The following NVL variants were observed in gnomAD, a reference collection of about 807,000 sequenced individuals.
The protein encoded by NVL is nuclear VCP like.
NVL carries 84 observed loss-of-function variants against 110.2 expected under a neutral mutation model. That is an observed-to-expected ratio of 0.76 (90% CI 0.64 to 0.91). The LOEUF is 0.91. Among genes scored for constraint, NVL ranks in the 40% least tolerant of loss-of-function variants. The pLI, the probability that NVL is intolerant of heterozygous loss-of-function variation, is 0.00. For missense variants in NVL, 882 were observed against 1,035.9 expected (o/e 0.85, Z 2.04); for synonymous variants, 354 against 361.1 (o/e 0.98, Z 0.22).
chr1:224,291,779 G>A (rs1202373788), intron 12 of NVL, among the ~76,000 whole-genome samples: 2 of 152,188 alleles, frequency 1.3e-5, no homozygotes, highest in African/African-American at 4.8e-5. Flanking sequence ...ATTGTCAGTT[G>A]GGGACTATCC....
chr1:224,286,067 G>T lies in NVL; in HGVS notation c.1858C>A (p.Leu620Ile). Reference protein sequence around the residue: ...LGLVTPAGVLLAGPPGCGKTL... With the variant: ...LGLVTPAGVLIAGPPGCGKTL... ...TTCCCACAGCCAGGAGGACCAGCAA[G>T]GAGGACCCCAGCTGGAGTCACCAAT... Residue 620 changes from leucine to isoleucine, a missense_variant, in exon 15 of 23, where the codon CTT becomes ATT. Leu to Ile is a conservative substitution (Grantham distance 5). Transcript: ENST00000281701. 6.2e-7 allele frequency: 1 copy of T among 1,614,072 alleles called. No homozygotes were observed. The highest frequency in any genetic ancestry group is 1.3e-5 in the African/African-American group (1 of 75,036).
Position 224,236,540 on chromosome 1 carries a change from C to T in NVL, c.2332G>A (p.Ala778Thr). 1 of 1,614,006 alleles carries T rather than the reference C, an allele frequency of 6.2e-7. No homozygotes were observed. The highest frequency in any genetic ancestry group is 8.5e-7 in the Non-Finnish European group (1 of 1,179,868). Reference protein sequence around the residue: ...PPLDADVNLEAIAGDLRCDCY... With the variant: ...PPLDADVNLETIAGDLRCDCY... Reference sequence around the variant, plus strand: ...TCACAGCGAAGGTCACCAGCAATTGCTTCCAAATTTACATCTGCATCCAGT... The same window carrying T: ...TCACAGCGAAGGTCACCAGCAATTGTTTCCAAATTTACATCTGCATCCAGT... The change falls in exon 20 of 23, where the codon GCA becomes ACA. Residue 778 changes from alanine (A) to threonine (T), a missense_variant. Physicochemically the swap from Ala to Thr is moderately conservative, Grantham distance 58. Coordinates refer to ENST00000281701, the MANE Select transcript of NVL (RefSeq NM_002533.4).
intron 11 of NVL, among the ~76,000 whole-genome samples, chr1:224,294,644 T>TA (rs1667705112): frequency 6.6e-6 from 1 of 151,892 alleles, no homozygotes; most frequent in Admixed American, 6.6e-5. Context: ...AGTGTGTAAA[T>TA]AAAAAAATGG....
chr1:224,245,293 T>A (rs568253613), intron 19 of NVL, among the ~76,000 whole-genome samples: 1 of 152,330 alleles, frequency 6.6e-6, no homozygotes, highest in South Asian at 2.1e-4. Flanking sequence ...CCTCTGAAAT[T>A]AGATATTGTG....
At chr1:224,272,448 T>A (rs1002951136) in intron 17 of NVL, among the ~76,000 whole-genome samples, 1 of 152,188 alleles carries the variant, frequency 6.6e-6, no homozygotes, top group Non-Finnish European at 1.5e-5. Context: ...CTGGGCGTAG[T>A]GGCTCACATC....
In NVL at chr1:224,281,308, T is replaced by TGTGA. The variant is rs1553320806; in HGVS notation, c.1900-124_1900-123insTCAC. On this transcript the variant is annotated intron_variant, in intron 15 of 22. Transcript: ENST00000281701. ...GCGTGTGTGTGTGTGTGTGTGTGTG[T>TGTGA]GTGTGAGATTTAGATGGAGTCTTGC... is the stretch of plus-strand genomic sequence containing the variant. The TGTGA allele has an allele frequency of 3.8e-6, 3 of 786,540 alleles. No homozygotes were observed. The African/African-American group carries it at 5.2e-5, about 14-fold the overall frequency. 48.7% of individuals were successfully genotyped at this position (786,540 alleles called of 1,614,324 possible). A position where few individuals can be genotyped will look rare whatever the true frequency, so the allele number is the denominator to read the frequency against.
At chr1:224,251,464 C>A (rs1160847676) in intron 18 of NVL, among the ~76,000 whole-genome samples, 1 of 151,948 alleles carries the variant, frequency 6.6e-6, no homozygotes, top group African/African-American at 2.4e-5. Context: ...ATGGTGAAAC[C>A]CTGTGCCTAC....
chr1:224,261,086 G>T (rs1238790252), intron 18 of NVL, among the ~76,000 whole-genome samples: 1 of 152,068 alleles, frequency 6.6e-6, no homozygotes, highest in Non-Finnish European at 1.5e-5. Flanking sequence ...ATGTTGGCCA[G>T]GCTGGTCTCG....
intron 19 of NVL, among the ~76,000 whole-genome samples, chr1:224,248,996 C>T (rs1316908279): frequency 6.6e-6 from 1 of 152,184 alleles, no homozygotes; most frequent in Non-Finnish European, 1.5e-5. Context: ...ATTTCATCCC[C>T]AGAAGGATTA....
intron 18 of NVL, among the ~76,000 whole-genome samples, chr1:224,259,903 C>T (rs1198756575): frequency 1.3e-5 from 2 of 151,512 alleles, no homozygotes; most frequent in African/African-American, 4.9e-5. Flanking sequence ...CTCCTGGCCT[C>T]AAGTGATCTG....
chr1:224,304,354 G>A (rs1188565219), intron 8 of NVL, among the ~76,000 whole-genome samples: 4 of 152,116 alleles, frequency 2.6e-5, no homozygotes, highest in African/African-American at 9.7e-5. Flanking sequence ...GAACCTGGGA[G>A]GCGGAGGTTG....
At chr1:224,235,412 C>A (rs140472214) in intron 20 of NVL, among the ~76,000 whole-genome samples, 9,373 of 152,188 alleles carry the variant, frequency 0.062, 531 homozygotes, top group East Asian at 0.3. Context: ...AAGTGATCTG[C>A]CCACCTCAGC....
chr1:224,304,764 T>A lies in NVL; in HGVS notation c.797A>T (p.Asp266Val). 6.2e-7 allele frequency: 1 copy of A among 1,614,066 alleles called. No individual in the cohort carries two copies. The highest frequency in any genetic ancestry group is 8.5e-7 in the Non-Finnish European group (1 of 1,179,970). ...TAATGTCATATCATTGCCTCCCACATCTTCAAACTTCACGTTGGAGATCTG... is the reference window on the plus strand; with the variant it reads ...TAATGTCATATCATTGCCTCCCACAACTTCAAACTTCACGTTGGAGATCTG... ...EFQISNVKFEDVGGNDMTLKE... is the reference protein window; with the variant it reads ...EFQISNVKFEVVGGNDMTLKE... Residue 266 changes from aspartate to valine, a missense_variant, in exon 8 of 23, where the codon GAT (aspartate) becomes GTT (valine). Coordinates refer to ENST00000281701, the MANE Select transcript of NVL (RefSeq NM_002533.4).
chr1:224,241,856 C>CAA (rs34996211), intron 19 of NVL, among the ~76,000 whole-genome samples: 1,720 of 132,652 alleles, frequency 0.013, 32 homozygotes, highest in African/African-American at 0.036. Context: ...GACCTCGTCT[C>CAA]AAAAAAAAAA....
chr1:224,256,904 A>G, intron 18 of NVL: 1 of 432,536 alleles, frequency 2.3e-6, no homozygotes, highest in Non-Finnish European at 4.6e-6. Flanking sequence ...GGTCAACCCT[A>G]TGACACAATA....
rs940256744 is a variant in NVL at position 224,300,695 on chromosome 1, T to C, written c.961-32A>G. 4 of 1,545,542 alleles carry C rather than the reference T, an allele frequency of 2.6e-6. No individual in the cohort carries two copies. The African/African-American group carries it at 5.5e-5, about 21-fold the overall frequency. On this transcript the variant is annotated intron_variant, in intron 9 of 22. Coordinates refer to ENST00000281701, the MANE Select transcript of NVL (RefSeq NM_002533.4). ...AGACACATAAAAGAATAACCAAATA[T>C]TCAAATTTTAATTTCCCTACTTTTT...
At chr1:224,296,693 T>C in intron 10 of NVL, 75 bp from the exon 11 acceptor site, 2 of 898,302 alleles carry the variant, frequency 2.2e-6, no homozygotes, top group South Asian at 3.9e-5. Flanking sequence ...GCATATACAT[T>C]TTAAAAAAAA....
At chr1:224,227,904 A>G in intron 22 of NVL, 1 of 270,942 alleles carries the variant, frequency 3.7e-6, no homozygotes, top group East Asian at 6.8e-5. Context: ...ACAGGAGGGA[A>G]GAGCATGTGC....
At chr1:224,299,744 C>A (rs141619008) in intron 10 of NVL, among the ~76,000 whole-genome samples, 2 of 152,304 alleles carry the variant, frequency 1.3e-5, no homozygotes, top group African/African-American at 4.8e-5. Context: ...CCTTTTTTCT[C>A]TTTATCCTCC....
Sources: allele counts gnomAD v4.1 joint callset (sites outside exome capture counted in the v4.1 genomes callset), GRCh38; gene constraint gnomAD v4.1.1; transcripts MANE v1.5; gene names NCBI Gene and HGNC (gene_info 2026-07-23, HGNC 2026-07-21).